The following ALPK2 variants were observed in gnomAD, a reference collection of about 807,000 sequenced individuals.
The protein encoded by ALPK2 is alpha-protein kinase 2.
Under a neutral mutation model 163.1 loss-of-function variants are expected in ALPK2, and 127 were observed. The ratio of observed to expected loss-of-function variants is 0.78; its 90% CI spans 0.67 to 0.90. The LOEUF is 0.90. Among genes scored for constraint, ALPK2 ranks in the 40% least tolerant of loss-of-function variants. The probability of loss-of-function intolerance (pLI) is 0.00; values close to 1 mark genes in which losing one functional copy is unlikely to be tolerated. For missense variants in ALPK2, 2,360 were observed against 2,589.6 expected (o/e 0.91, Z 1.92); for synonymous variants, 953 against 959.1 (o/e 0.99, Z 0.12).
At chr18:58,613,790 G>A (rs569008540) in intron 1 of ALPK2, among the ~76,000 whole-genome samples, 22 of 151,738 alleles carry the variant, frequency 1.4e-4, no homozygotes, top group Non-Finnish European at 3.1e-4. Flanking sequence ...CCCGTGTGAA[G>A]ACACAGATCT....
At position 58,521,627 on chromosome 18, in the gene ALPK2, C is replaced by CTCTTTTTTTTTTTTTTTTTTT. The variant is rs59358600; in HGVS notation, c.5665+2178_5665+2179insAAAAAAAAAAAAAAAAAAAGA. Among the ~76,000 whole-genome samples, 13 of 55,386 alleles carry CTCTTTTTTTTTTTTTTTTTTT rather than the reference C, an allele frequency of 2.3e-4. 1 individual carries two copies. The highest frequency in any genetic ancestry group is 1.6e-3 in the South Asian group (2 of 1,260). 36.3% of individuals were successfully genotyped at this position (55,386 alleles called of 152,430 possible). ...TTTCTTTTTCTTTCTTTCTCTCTCTCTTTTTTTTTTTTTTTTTTTGAGATG... is the reference window on the plus strand; with the variant it reads ...TTTCTTTTTCTTTCTTTCTCTCTCTCTCTTTTTTTTTTTTTTTTTTTTTTTTTTTTTTTTTTTTTTGAGATG... On this transcript the variant is annotated intron_variant, in intron 8 of 12. Coordinates refer to ENST00000361673, the MANE Select transcript of ALPK2 (RefSeq NM_052947.4).
intron 2 of ALPK2, 42 bp downstream of exon 2, chr18:58,611,647 G>A (rs1266212413): frequency 1.9e-6 from 3 of 1,544,262 alleles, no homozygotes; most frequent in Middle Eastern, 1.7e-4. Context: ...CTGGTATGCA[G>A]GGAGATTTTA....
intron 3 of ALPK2, among the ~76,000 whole-genome samples, chr18:58,598,625 G>A (rs1266779582): frequency 2.0e-5 from 3 of 152,142 alleles, no homozygotes; most frequent in Admixed American, 1.3e-4. Flanking sequence ...TCGCTACATC[G>A]TCGGGGCAAA....
rs556326126 is a variant in ALPK2 at position 58,604,967 on chromosome 18, A to G, written c.227+2355T>C. 5.9e-5 allele frequency among the ~76,000 whole-genome samples: 9 copies of G among 152,354 alleles called. No homozygotes were observed. The South Asian group carries it at 1.5e-3, about 25-fold the overall frequency. Reference sequence around the variant, plus strand: ...TACCCTCATCCTGTATATGGAACATAAAACAGTAATAGCAAATCTCAATTC... The same window carrying G: ...TACCCTCATCCTGTATATGGAACATGAAACAGTAATAGCAAATCTCAATTC... On this transcript the variant is annotated intron_variant, in intron 3 of 12. Coordinates refer to ENST00000361673, the MANE Select transcript of ALPK2 (RefSeq NM_052947.4).
rs747621408 is a variant in ALPK2 at position 58,481,926 on chromosome 18, T to C, written c.6410A>G (p.Asn2137Ser). Residue 2137 changes from asparagine to serine, a missense_variant, in exon 13 of 13, where the codon AAC becomes AGC. Asn to Ser is a conservative substitution (Grantham distance 46). Coordinates refer to ENST00000361673, the MANE Select transcript of ALPK2 (RefSeq NM_052947.4). Reference protein sequence around the residue: ...MLGLKSLQNNNQKQKQPSIGK... With the variant: ...MLGLKSLQNNSQKQKQPSIGK... ...AATGCTCGGCTGCTTCTGTTTCTGGTTGTTGTTTTGAAGGGATTTCAGTCC... is the reference window on the plus strand; with the variant it reads ...AATGCTCGGCTGCTTCTGTTTCTGGCTGTTGTTTTGAAGGGATTTCAGTCC... 2.5e-6 allele frequency: 4 copies of C among 1,614,244 alleles called. 1 individual carries two copies. The South Asian group carries it at 4.4e-5, about 18-fold the overall frequency.
intron 3 of ALPK2, among the ~76,000 whole-genome samples, chr18:58,588,833 T>C (rs1041653302): frequency 6.6e-6 from 1 of 152,232 alleles, no homozygotes; most frequent in African/African-American, 2.4e-5. Context: ...TCCAGTCTAT[T>C]GTTGATGGGC....
intron 4 of ALPK2, among the ~76,000 whole-genome samples, chr18:58,576,118 A>T (rs939135359): frequency 6.6e-6 from 1 of 152,196 alleles, no homozygotes; most frequent in South Asian, 2.1e-4. Context: ...TCATGCCTGT[A>T]ATCCCAGCAC....
At chr18:58,609,280 G>A (rs191615083) in intron 2 of ALPK2, among the ~76,000 whole-genome samples, 6 of 152,298 alleles carry the variant, frequency 3.9e-5, no homozygotes, top group Admixed American at 6.5e-5. Context: ...CAGTAGCTGC[G>A]TGGCTGAGCC....
At chr18:58,556,287 A>G (rs933866817) in intron 4 of ALPK2, among the ~76,000 whole-genome samples, 1 of 152,198 alleles carries the variant, frequency 6.6e-6, no homozygotes, top group Admixed American at 6.5e-5. Flanking sequence ...CACCACTGTT[A>G]TCGACAGTTA....
At chr18:58,492,300 G>C (rs565913016) in intron 12 of ALPK2, among the ~76,000 whole-genome samples, 1 of 151,632 alleles carries the variant, frequency 6.6e-6, no homozygotes, top group African/African-American at 2.4e-5. Flanking sequence ...ACACACACAC[G>C]CACACATTCC....
At chr18:58,524,951 CAAA>C (rs377122433) in intron 6 of ALPK2, among the ~76,000 whole-genome samples, 37 of 106,046 alleles carry the variant, frequency 3.5e-4, no homozygotes, top group Admixed American at 2.9e-4. Flanking sequence ...TACTCTACAG[CAAA>C]AAAAAAAAAA....
chr18:58,533,938 T>C (rs929722731), intron 5 of ALPK2, among the ~76,000 whole-genome samples: 1 of 152,088 alleles, frequency 6.6e-6, no homozygotes, highest in Non-Finnish European at 1.5e-5. Flanking sequence ...AGGAGAAAAT[T>C]CTTCCCTTCT....
intron 12 of ALPK2, among the ~76,000 whole-genome samples, chr18:58,494,368 G>A (rs1281337288): frequency 6.6e-6 from 1 of 152,142 alleles, no homozygotes; most frequent in Non-Finnish European, 1.5e-5. Context: ...ACATACTCCT[G>A]TTAAAAGGAA....
intron 4 of ALPK2, among the ~76,000 whole-genome samples, chr18:58,569,551 G>C (rs1461713918): frequency 1.3e-5 from 2 of 152,188 alleles, no homozygotes; most frequent in Non-Finnish European, 2.9e-5. Flanking sequence ...GGGCTTCTGA[G>C]CCTGCATTTC....
At position 58,538,058 on chromosome 18, in the gene ALPK2, A is replaced by G. The variant is rs750304245; in HGVS notation, c.2129T>C (p.Val710Ala). The G allele has an allele frequency of 6.2e-7, 1 of 1,613,752 alleles. No homozygotes were observed. The highest frequency in any genetic ancestry group is 1.3e-5 in the African/African-American group (1 of 74,788). The change falls in exon 5 of 13, where the codon GTC becomes GCC. Residue 710 changes from valine (V) to alanine (A), a missense_variant. By Grantham distance (64) the Val-to-Ala change is moderately conservative (BLOSUM62 0). Coordinates refer to ENST00000361673, the MANE Select transcript of ALPK2 (RefSeq NM_052947.4). ...CTGTGGACCACAGGTACAGGGTTTG[A>G]CCTCCGAGTGTTGAGCTAATGATGC... ...ENASLAQHSE[V>A]KPCTCGPQHE...
chr18:58,566,699 C>T (rs1479584645), intron 4 of ALPK2: 2 of 152,150 alleles, frequency 1.3e-5, no homozygotes, highest in Admixed American at 1.3e-4. Context: ...GGATTAGTTA[C>T]AATAAATCAG....
Position 58,498,178 on chromosome 18 carries a change from G to A in ALPK2, c.6248-81C>T. 5 of 1,308,002 alleles carry A rather than the reference G, an allele frequency of 3.8e-6. No individual in the cohort carries two copies. In the South Asian group the frequency reaches 4.8e-5, roughly 12 times the overall value. The allele number at this position is 1,308,002 out of a possible 1,614,324, so 81.0% of individuals were successfully genotyped here. A position where few individuals can be genotyped will look rare whatever the true frequency, so the allele number is the denominator to read the frequency against. ...GTTGGGCCATCTAGCCCCAGGGAAG[G>A]GGTAATGACAGCTCATCCTCCTTCT... On this transcript the variant is annotated intron_variant, in intron 11 of 12. Transcript: ENST00000361673.
chr18:58,581,518 C>T (rs185764914), intron 3 of ALPK2, among the ~76,000 whole-genome samples: 12 of 152,350 alleles, frequency 7.9e-5, no homozygotes, highest in African/African-American at 2.4e-4. Flanking sequence ...ACGAAGCCTG[C>T]TCTCTCAGTT....
Position 58,580,295 on chromosome 18 carries a change from C to G in ALPK2, c.481G>C (p.Ala161Pro). Reference protein sequence around the residue: ...ESISPGTPRSADSSPSKSNHS... With the variant: ...ESISPGTPRSPDSSPSKSNHS... ...TTGGATTTGGAGGGGGAGGAGTCAG[C>G]TGACCTGGGAGTGCCCGGGGAGATG... The change falls in exon 4 of 13, where the codon GCT becomes CCT. Residue 161 changes from alanine to proline, a missense_variant. Physicochemically the swap from Ala to Pro is conservative, Grantham distance 27. Coordinates refer to ENST00000361673, the MANE Select transcript of ALPK2 (RefSeq NM_052947.4). 1 of 1,614,174 alleles carries G rather than the reference C, an allele frequency of 6.2e-7. No individual in the cohort carries two copies. Among genetic ancestry groups the G allele is most frequent in the Non-Finnish European group, 8.5e-7 (1 of 1,180,020 alleles).
Sources: allele counts gnomAD v4.1 joint callset (sites outside exome capture counted in the v4.1 genomes callset), GRCh38; gene constraint gnomAD v4.1.1; transcripts MANE v1.5; gene names NCBI Gene and HGNC (gene_info 2026-07-23, HGNC 2026-07-21).